Variants in CCDC91 observed in about 807,000 individuals in gnomAD.
CCDC91 encodes coiled-coil domain-containing protein 91.
In CCDC91, 48 loss-of-function variants were observed where a neutral mutation model predicts 63.2. The ratio of observed to expected loss-of-function variants is 0.76; its 90% CI spans 0.60 to 0.97. The LOEUF is 0.97. Ranked by LOEUF, CCDC91 falls within the 50% of genes least tolerant of loss-of-function variation. The pLI is 0.00. For synonymous variants in CCDC91, 167 were observed against 165.8 expected (o/e 1.01, Z -0.06); for missense variants, 500 against 494.6 (o/e 1.01, Z -0.10).
At chr12:28,422,668 T>C (rs932177799) in intron 8 of CCDC91, among the ~76,000 whole-genome samples, 2 of 152,148 alleles carry the variant, frequency 1.3e-5, no homozygotes, top group African/African-American at 4.8e-5. Flanking sequence ...CACTTTTCTT[T>C]ATTCTCCACA....
intron 6 of CCDC91, among the ~76,000 whole-genome samples, chr12:28,323,075 A>T (rs1433378301): frequency 6.6e-6 from 1 of 151,290 alleles, no homozygotes; most frequent in Admixed American, 6.6e-5. Context: ...TTTATCATAT[A>T]TTCTGGAATT....
At chr12:28,302,231 C>T (rs1228981043) in intron 3 of CCDC91, among the ~76,000 whole-genome samples, 2 of 151,846 alleles carry the variant, frequency 1.3e-5, no homozygotes, top group African/African-American at 2.4e-5. Context: ...AGTATCTTAA[C>T]AGATAATGAA....
At chr12:28,228,278 A>G (rs886355139) in intron 1 of CCDC91, among the ~76,000 whole-genome samples, 2 of 152,130 alleles carry the variant, frequency 1.3e-5, no homozygotes, top group African/African-American at 4.8e-5. Context: ...ACTTATTCAT[A>G]GTATTTAACT....
chr12:28,471,273 A>T (rs759359863), intron 11 of CCDC91, among the ~76,000 whole-genome samples: 1 of 152,192 alleles, frequency 6.6e-6, no homozygotes, highest in African/African-American at 2.4e-5. Flanking sequence ...AACCTATGAA[A>T]TTCCGCAAAA....
chr12:28,202,141 A>G (rs578261312), intron 1 of CCDC91, among the ~76,000 whole-genome samples: 11 of 152,120 alleles, frequency 7.2e-5, no homozygotes, highest in East Asian at 1.9e-4. Context: ...AATAATCTCT[A>G]TTTGGTGAGA....
chr12:28,439,575 C>T (rs1478111000), intron 8 of CCDC91, among the ~76,000 whole-genome samples: 1 of 152,046 alleles, frequency 6.6e-6, no homozygotes, highest in Admixed American at 6.6e-5. Context: ...GATGTATGGT[C>T]AGTGGAAGTT....
At chr12:28,293,000 G>T (rs1457265481) in intron 3 of CCDC91, among the ~76,000 whole-genome samples, 6 of 152,098 alleles carry the variant, frequency 3.9e-5, no homozygotes. Flanking sequence ...TGTCAATAAG[G>T]TGCTAAAAGT....
chr12:28,486,998 T>A (rs1951761952), intron 12 of CCDC91, among the ~76,000 whole-genome samples: 2 of 151,992 alleles, frequency 1.3e-5, no homozygotes, highest in Non-Finnish European at 2.9e-5. Context: ...TTTACCACAT[T>A]ATTTACAGAA....
At chr12:28,479,875 A>G (rs556359886) in intron 11 of CCDC91, among the ~76,000 whole-genome samples, 3 of 152,150 alleles carry the variant, frequency 2.0e-5, no homozygotes, top group South Asian at 4.1e-4. Context: ...TTGATATATC[A>G]TATGGGGTGA....
intron 12 of CCDC91, among the ~76,000 whole-genome samples, chr12:28,497,366 A>G (rs1952360337): frequency 6.6e-6 from 1 of 151,598 alleles, no homozygotes. Context: ...CACACATGTT[A>G]AGCTTGAACA....
chr12:28,412,852 T>C, intron 8 of CCDC91: 1 of 445,810 alleles, frequency 2.2e-6, no homozygotes, highest in Non-Finnish European at 4.5e-6. Context: ...TACAATCCTC[T>C]TGTAAGACAG....
At chr12:28,317,348 T>C (rs184926355) in intron 6 of CCDC91, among the ~76,000 whole-genome samples, 263 of 152,194 alleles carry the variant, frequency 1.7e-3, no homozygotes, top group Middle Eastern at 6.8e-3. Context: ...AAGGGAATTA[T>C]GTGTGGTAAG....
intron 6 of CCDC91, among the ~76,000 whole-genome samples, chr12:28,315,990 AC>A (rs1225442678): frequency 6.6e-6 from 1 of 151,968 alleles, no homozygotes; most frequent in Non-Finnish European, 1.5e-5. Flanking sequence ...CTTTCTATGA[AC>A]ATCTGAAATA....
chr12:28,476,189 T>G (rs941525025), intron 11 of CCDC91, among the ~76,000 whole-genome samples: 3 of 151,968 alleles, frequency 2.0e-5, no homozygotes, highest in Admixed American at 2.0e-4. Flanking sequence ...AGCACCACAC[T>G]GCACTTACTC....
rs535537990 is a variant in CCDC91, at chr12:28,355,847, C to A, written c.577-6591C>A. ...AAATTCATGCCATGTGTTAAGGCAG[C>A]CATTATTGGAATAGGAGCAGTGATT... On this transcript the variant is annotated intron_variant, in intron 6 of 12. Coordinates refer to ENST00000536442, the MANE Select transcript of CCDC91 (RefSeq NM_018318.5). 8.5e-5 allele frequency among the ~76,000 whole-genome samples: 13 copies of A among 152,092 alleles called. No homozygotes were observed. The South Asian group carries it at 2.7e-3, about 32-fold the overall frequency.
intron 11 of CCDC91, among the ~76,000 whole-genome samples, chr12:28,479,333 A>G (rs1951309774): frequency 1.3e-5 from 2 of 152,188 alleles, no homozygotes; most frequent in African/African-American, 4.8e-5. Flanking sequence ...TGAAGCTGGT[A>G]ACCATCATTC....
At chr12:28,458,227 T>C (rs1300374860) in intron 11 of CCDC91, among the ~76,000 whole-genome samples, 1 of 152,116 alleles carries the variant, frequency 6.6e-6, no homozygotes, top group Non-Finnish European at 1.5e-5. Flanking sequence ...TACAATACTT[T>C]GATAATAATC....
In CCDC91 at chr12:28,383,366, A is replaced by G. The variant is rs141014839; in HGVS notation, c.655-7938A>G. Among the ~76,000 whole-genome samples the G allele has an allele frequency of 7.8e-3, 1,191 of 152,298 alleles. 10 individuals carry two copies. Among genetic ancestry groups the G allele is most frequent in the Non-Finnish European group, 0.012 (806 of 68,016 alleles). ...AAATGCTTCAGATCTGTAACAGGAT[A>G]AATTTTCAGCAGCCTCAACTTGACC... On this transcript the variant is annotated intron_variant, in intron 7 of 12. Coordinates refer to ENST00000536442, the MANE Select transcript of CCDC91 (RefSeq NM_018318.5).
At chr12:28,416,980 T>C (rs1947702596) in intron 8 of CCDC91, among the ~76,000 whole-genome samples, 2 of 152,094 alleles carry the variant, frequency 1.3e-5, no homozygotes, top group Non-Finnish European at 2.9e-5. Flanking sequence ...TGGTCTCTGG[T>C]TTCATCTTTT....
Sources: allele counts gnomAD v4.1 joint callset (sites outside exome capture counted in the v4.1 genomes callset), GRCh38; gene constraint gnomAD v4.1.1; transcripts MANE v1.5; gene names NCBI Gene and HGNC (gene_info 2026-07-23, HGNC 2026-07-21).